PIGR: variants seen among roughly 807,000 people sequenced by gnomAD.
The protein encoded by PIGR is polymeric immunoglobulin receptor.
A neutral mutation model predicts 69.5 loss-of-function variants in PIGR; 22 were observed. The ratio of observed to expected loss-of-function variants is 0.32; its 90% CI spans 0.23 to 0.45. The LOEUF (loss-of-function observed/expected upper bound fraction) is 0.45. Ranked by LOEUF, PIGR falls within the 20% of genes least tolerant of loss-of-function variation. The pLI is 1.00. For missense variants in PIGR, 885 were observed against 974.0 expected (o/e 0.91, Z 1.22); for synonymous variants, 413 against 407.6 (o/e 1.01, Z -0.16).
intron 6 of PIGR, among the ~76,000 whole-genome samples, chr1:206,933,933 G>T (rs571406021): frequency 2.0e-5 from 3 of 151,218 alleles, no homozygotes; most frequent in African/African-American, 7.3e-5. Flanking sequence ...GTGGTGGCAC[G>T]ATCTCAGTTC....
chr1:206,933,977 C>G (rs1469693853), intron 6 of PIGR, among the ~76,000 whole-genome samples: 2 of 151,624 alleles, frequency 1.3e-5, no homozygotes, highest in Non-Finnish European at 2.9e-5. Context: ...TCAAGCAATT[C>G]TCATGCCTCA....
intron 8 of PIGR, 104 bp downstream of exon 8, chr1:206,932,352 G>T: frequency 7.6e-7 from 1 of 1,317,762 alleles, no homozygotes; most frequent in Non-Finnish European, 1.0e-6. Flanking sequence ...CTTTGTTTTA[G>T]CTCATGAAAA....
chr1:206,930,433 G>T lies in PIGR; in HGVS notation c.2200-20C>A, dbSNP rs774168255. The T allele has an allele frequency of 2.5e-6, 4 of 1,610,594 alleles. No homozygotes were observed. In the South Asian group the frequency reaches 4.4e-5, roughly 18 times the overall value. On this transcript the variant is annotated intron_variant, in intron 10 of 10. Transcript: ENST00000356495. This position sits in a 1 kb window ranked among gnomAD's most constrained non-coding sequence, Gnocchi z 4.3. ...GGATGACTAAGGGGCAAGAGGAGAGGCATCAGTGTTGGGGGCACTGGCTCA... is the reference window on the plus strand; with the variant it reads ...GGATGACTAAGGGGCAAGAGGAGAGTCATCAGTGTTGGGGGCACTGGCTCA...
chr1:206,937,166 C>T lies in PIGR; in HGVS notation c.974G>A (p.Cys325Tyr). The T allele has an allele frequency of 6.2e-7, 1 of 1,613,960 alleles. No homozygotes were observed. Residue 325 changes from cysteine to tyrosine, a missense_variant, in exon 4 of 11, where the codon TGT becomes TAT. Coordinates refer to ENST00000356495, the MANE Select transcript of PIGR (RefSeq NM_002644.4). ...CAGCTGACCATCCGAATGGGCTCCA[C>T]ACAGGTAGCGCCCTGCATCCTCCTT... ...LRKEDAGRYL[C>Y]GAHSDGQLQE...
intron 1 of PIGR, among the ~76,000 whole-genome samples, 165 bp downstream of exon 1, chr1:206,946,171 C>A (rs184073790): frequency 2.0e-5 from 3 of 152,288 alleles, no homozygotes; most frequent in Non-Finnish European, 4.4e-5. Flanking sequence ...GCGATATGCA[C>A]GCTTACTCCC....
chr1:206,939,070 G>A, intron 3 of PIGR, 49 bp downstream of exon 3: 2 of 1,502,356 alleles, frequency 1.3e-6, no homozygotes, highest in Non-Finnish European at 1.8e-6. Context: ...GCACCTTAGA[G>A]AATTCCCTCT....
Position 206,929,267 on chromosome 1 carries a change from G to A in PIGR, c.*1051C>T, listed in dbSNP as rs1679679356. On this transcript the variant is annotated 3_prime_UTR_variant, in exon 11 of 11. Transcript: ENST00000356495. ...CAAAAAAAAGAAAAGAAAAAAAGAG[G>A]CCGGACGCGGTGGCTCACGCCTGTA... The A allele has an allele frequency of 6.6e-6, 1 of 152,052 alleles. No homozygotes were observed. Among genetic ancestry groups the A allele is most frequent in the African/African-American group, 2.4e-5 (1 of 41,378 alleles). The allele number at this position is 152,052 out of a possible 1,614,324, so 9.4% of individuals were successfully genotyped here.
Position 206,935,787 on chromosome 1 carries a change from C to G in PIGR, c.1077G>C (p.Val359=), listed in dbSNP as rs769102304. 5 of 1,610,314 alleles carry G rather than the reference C, an allele frequency of 3.1e-6. No homozygotes were observed. In the South Asian group the frequency reaches 4.4e-5, roughly 14 times the overall value. The change falls in exon 5 of 11, where the codon GTG becomes GTC. Residue 359 remains valine, a synonymous_variant. Coordinates refer to ENST00000356495, the MANE Select transcript of PIGR (RefSeq NM_002644.4). The surrounding 1 kb of genome is among the most constrained non-coding windows in gnomAD (Gnocchi z 4.4). ...CCACAGAGCCTCCTGCCACCCCCTT[C>G]ACCACAGTGGGGCTGCGGGGAATCG... The part of the protein sequence containing the change: ...ESTIPRSPTV[V]KGVAGGSVAV...
rs2102598733 is a variant in PIGR at position 206,934,591 on chromosome 1, C to T, written c.1534G>A (p.Gly512Ser). The part of the protein sequence containing the change: ...GCQALPSQDE[G>S]PSKAFVNCDE... ...CAGTTCACGAAGGCCTTGCTGGGGC[C>T]TTCGTCTTGGCTGGGCAGGGCCTGG... The change falls in exon 6 of 11, where the codon GGC becomes AGC. Residue 512 changes from glycine to serine, a missense_variant. Gly to Ser is a moderately conservative substitution (Grantham distance 56, BLOSUM62 0). Coordinates refer to ENST00000356495, the MANE Select transcript of PIGR (RefSeq NM_002644.4). 6.2e-7 allele frequency: 1 copy of T among 1,614,238 alleles called. No individual in the cohort carries two copies. Among genetic ancestry groups the T allele is most frequent in the Non-Finnish European group, 8.5e-7 (1 of 1,180,048 alleles).
Position 206,929,844 on chromosome 1 carries a change from A to G in PIGR, c.*474T>C, listed in dbSNP as rs1397480752. On this transcript the variant is annotated 3_prime_UTR_variant, in exon 11 of 11. Transcript: ENST00000356495. ...TGGTGGCATACCTGTCACAGCATCT[A>G]GCAAAGCACCTGAATTCTAGTATGA... 1 of 153,416 alleles carries G rather than the reference A, an allele frequency of 6.5e-6. No individual in the cohort carries two copies. Among genetic ancestry groups the G allele is most frequent in the Non-Finnish European group, 1.5e-5 (1 of 68,918 alleles). The allele number at this position is 153,416 out of a possible 1,614,324, so 9.5% of individuals were successfully genotyped here. A position where few individuals can be genotyped will look rare whatever the true frequency, so the allele number is the denominator to read the frequency against.
intron 3 of PIGR, among the ~76,000 whole-genome samples, 180 bp from the exon 4 acceptor site, chr1:206,937,931 TTCCCAAGCTAACACTAA>T (rs1351973638): frequency 6.6e-6 from 1 of 152,230 alleles, no homozygotes; most frequent in East Asian, 1.9e-4. Flanking sequence ...CATGAAACCT[TTCCCAAGCTAACACTAA>T]TCTCTCCCTG....
At position 206,937,833 on chromosome 1, in the gene PIGR, A is replaced by T. The variant is rs796751909; in HGVS notation, c.389-82T>A. ...CAACATAGGACTATTTGCTATTCCT[A>T]GTTAGGGTGTGGGTGGACTTATAAC... On this transcript the variant is annotated intron_variant, in intron 3 of 10. Transcript: ENST00000356495. 2.2e-5 allele frequency: 28 copies of T among 1,294,366 alleles called. No homozygotes were observed. In the African/African-American group the frequency reaches 3.5e-4, roughly 16 times the overall value. The allele number at this position is 1,294,366 out of a possible 1,614,324, so 80.2% of individuals were successfully genotyped here.
chr1:206,933,033 A>G lies in PIGR; in HGVS notation c.1839T>C (p.Asp613=), dbSNP rs961891338. ...RLFAEEKAVA[D]TRDQADGSRA... Reference sequence around the variant, plus strand: ...TGCTCCCATCGGCTTGATCTCTTGTATCTGCCACCGCCTTTTCCTCTGCAA... The same window carrying G: ...TGCTCCCATCGGCTTGATCTCTTGTGTCTGCCACCGCCTTTTCCTCTGCAA... Residue 613 remains aspartate, a synonymous_variant, in exon 7 of 11, where the codon GAT becomes GAC. Transcript: ENST00000356495. 28 of 1,614,008 alleles carry G rather than the reference A, an allele frequency of 1.7e-5. No homozygotes were observed. The highest frequency in any genetic ancestry group is 2.1e-5 in the Non-Finnish European group (25 of 1,180,032).
intron 7 of PIGR, 148 bp from the exon 8 acceptor site, chr1:206,932,725 G>T: frequency 9.4e-7 from 1 of 1,068,698 alleles, no homozygotes. Flanking sequence ...CTTCTAAGAA[G>T]CCTTCCCAGA....
chr1:206,937,693 G>A lies in PIGR; in HGVS notation c.447C>T (p.Thr149=), dbSNP rs770316578. ...VYTVDLGRTV[T]INCPFKTENA... is the part of the protein sequence containing the mutation. ...TCTCAGTCTTGAAAGGGCAGTTGAT[G>A]GTCACCGTTCTGCCCAGGTCCACTG... Residue 149 remains threonine, a synonymous_variant, in exon 4 of 11, where the codon ACC becomes ACT. Transcript: ENST00000356495. The A allele has an allele frequency of 1.2e-6, 2 of 1,614,002 alleles. No individual in the cohort carries two copies. The highest frequency in any genetic ancestry group is 2.2e-5 in the East Asian group (1 of 44,880).
In PIGR at chr1:206,930,905, A is replaced by C; in HGVS notation, c.2200-492T>G. ...ATAAAAACAACAACAACAACAACAA[A>C]AACTCTCACCTCGGGATTAAAGGCA... On this transcript the variant is annotated intron_variant, in intron 10 of 10. Coordinates refer to ENST00000356495, the MANE Select transcript of PIGR (RefSeq NM_002644.4). This position sits in a 1 kb window ranked among gnomAD's most constrained non-coding sequence, Gnocchi z 4.3. 1.0e-6 allele frequency: 1 copy of C among 985,324 alleles called. No homozygotes were observed. Among genetic ancestry groups the C allele is most frequent in the Non-Finnish European group, 1.2e-6 (1 of 829,870 alleles). The allele number at this position is 985,324 out of a possible 1,614,324, so 61.0% of individuals were successfully genotyped here. A position where few individuals can be genotyped will look rare whatever the true frequency, so the allele number is the denominator to read the frequency against.
intron 1 of PIGR, among the ~76,000 whole-genome samples, chr1:206,942,255 G>A (rs1370076229): frequency 1.3e-5 from 2 of 152,152 alleles, no homozygotes; most frequent in Non-Finnish European, 2.9e-5. Context: ...CCTGGAGTGG[G>A]GCCTTGGCCA....
chr1:206,930,330 G>A lies in PIGR; in HGVS notation c.2283C>T (p.Pro761=), dbSNP rs949469671. Residue 761 remains proline (P), a synonymous_variant, in exon 11 of 11, where the codon CCC becomes CCT. Coordinates refer to ENST00000356495, the MANE Select transcript of PIGR (RefSeq NM_002644.4). This position sits in a 1 kb window ranked among gnomAD's most constrained non-coding sequence, Gnocchi z 4.3. The stretch of plus-strand genomic sequence containing the variant: ...GCGGCGACACCGTCTAGGCTTCCTG[G>A]GGGCCGTCCTGGGCCTCGGCGGCCA... The part of the protein sequence containing the change: ...STVAAEAQDG[P]QEA 1.2e-6 allele frequency: 2 copies of A among 1,611,512 alleles called. No homozygotes were observed. The highest frequency in any genetic ancestry group is 2.2e-5 in the South Asian group (2 of 90,744).
Position 206,937,627 on chromosome 1 carries a change from C to T in PIGR, c.513G>A (p.Leu171=). Residue 171 remains leucine, a synonymous_variant, in exon 4 of 11, where the codon CTG becomes CTA. Coordinates refer to ENST00000356495, the MANE Select transcript of PIGR (RefSeq NM_002644.4). ...TGGAGTCGATGACCAGCACAGGGTA[C>T]AGGCCTATCTGCTTGTACAAGGACT... The part of the protein sequence containing the change: ...KRKSLYKQIG[L]YPVLVIDSSG... The T allele has an allele frequency of 6.2e-7, 1 of 1,613,796 alleles. No individual in the cohort carries two copies. The highest frequency in any genetic ancestry group is 8.5e-7 in the Non-Finnish European group (1 of 1,179,844).
Sources: allele counts gnomAD v4.1 joint callset (sites outside exome capture counted in the v4.1 genomes callset), GRCh38; gene constraint gnomAD v4.1.1; non-coding constraint Gnocchi (gnomAD v3.1); transcripts MANE v1.5; gene names NCBI Gene and HGNC (gene_info 2026-07-23, HGNC 2026-07-21).